The following BMP6 variants were observed in gnomAD, a reference collection of about 807,000 sequenced individuals.
BMP6 encodes bone morphogenetic protein 6.
A neutral mutation model predicts 54.1 loss-of-function variants in BMP6; 17 were observed. The ratio of observed to expected loss-of-function variants is 0.31; its 90% CI spans 0.22 to 0.47. The LOEUF is 0.47. Among genes scored for constraint, BMP6 ranks in the 20% least tolerant of loss-of-function variants. BMP6 has a pLI of 1.00. For synonymous variants in BMP6, 328 were observed against 291.2 expected (o/e 1.13, Z -1.28); for missense variants, 720 against 690.4 (o/e 1.04, Z -0.48).
chr6:7,740,864 G>A (rs1160063115), intron 1 of BMP6, among the ~76,000 whole-genome samples: 11 of 152,008 alleles, frequency 7.2e-5, no homozygotes, highest in Admixed American at 5.9e-4. Context: ...CTTTATAATC[G>A]TTGGCCTTGA....
chr6:7,811,776 TA>T (rs1462426617), intron 1 of BMP6, among the ~76,000 whole-genome samples: 1 of 152,214 alleles, frequency 6.6e-6, no homozygotes, highest in African/African-American at 2.4e-5. Flanking sequence ...TTCCCTTCGT[TA>T]AACTTCCAGT....
chr6:7,735,847 G>A (rs1259486683), intron 1 of BMP6, among the ~76,000 whole-genome samples: 4 of 152,200 alleles, frequency 2.6e-5, no homozygotes, highest in East Asian at 1.9e-4. Context: ...CACCGCTATA[G>A]TATCATGCCG....
At chr6:7,761,830 G>A (rs761823870) in intron 1 of BMP6, among the ~76,000 whole-genome samples, 18 of 152,118 alleles carry the variant, frequency 1.2e-4, no homozygotes, top group Non-Finnish European at 1.8e-4. Flanking sequence ...ATTTGTTATT[G>A]TCTCATTGCC....
At chr6:7,790,514 CAAAAAAAAAAAAAAAAAA>C (rs35572440) in intron 1 of BMP6, among the ~76,000 whole-genome samples, 6 of 73,500 alleles carry the variant, frequency 8.2e-5, no homozygotes, top group Non-Finnish European at 1.4e-4. Context: ...GACCCTGTCT[CAAAAAAAAAAAAAAAAAA>C]AAAAAAAAAA....
At chr6:7,874,641 G>A (rs1287739388) in intron 4 of BMP6, among the ~76,000 whole-genome samples, 4 of 152,088 alleles carry the variant, frequency 2.6e-5, no homozygotes, top group East Asian at 3.9e-4. Context: ...CCAGCTACTC[G>A]GAAGGCTGAG....
intron 4 of BMP6, among the ~76,000 whole-genome samples, chr6:7,866,789 T>C (rs575989331): frequency 6.6e-6 from 1 of 152,370 alleles, no homozygotes; most frequent in East Asian, 1.9e-4. Context: ...GCCAACCATC[T>C]ATGACCCAGC....
chr6:7,728,253 T>A (rs1174015944), intron 1 of BMP6, among the ~76,000 whole-genome samples: 1 of 152,180 alleles, frequency 6.6e-6, no homozygotes, highest in East Asian at 1.9e-4. Context: ...TGGGGCGGGA[T>A]GAAAGCTCAA....
At chr6:7,767,402 G>C (rs1009979979) in intron 1 of BMP6, among the ~76,000 whole-genome samples, 5 of 152,140 alleles carry the variant, frequency 3.3e-5, no homozygotes, top group African/African-American at 1.2e-4. Context: ...TGGTCTCTTT[G>C]AGTTTCTTTT....
intron 2 of BMP6, among the ~76,000 whole-genome samples, chr6:7,845,707 T>C (rs1221695532): frequency 6.6e-6 from 1 of 152,142 alleles, no homozygotes; most frequent in Non-Finnish European, 1.5e-5. Context: ...TAAGTGATAA[T>C]AATTCCAGTG....
intron 1 of BMP6, among the ~76,000 whole-genome samples, chr6:7,770,623 C>G (rs1222709927): frequency 4.6e-5 from 7 of 152,206 alleles, no homozygotes; most frequent in African/African-American, 1.7e-4. Context: ...ATTACCCACA[C>G]CCGGCCCTAA....
intron 1 of BMP6, among the ~76,000 whole-genome samples, chr6:7,782,874 C>T (rs1757967683): frequency 6.6e-6 from 1 of 151,866 alleles, no homozygotes; most frequent in South Asian, 2.1e-4. Flanking sequence ...AGAGGAAAGG[C>T]AATTAACAGT....
intron 1 of BMP6, among the ~76,000 whole-genome samples, chr6:7,822,376 G>A (rs533827856): frequency 1.3e-5 from 2 of 152,284 alleles, no homozygotes; most frequent in Admixed American, 6.5e-5. Flanking sequence ...GAGACGGGGT[G>A]CATTTCTTTT....
At chr6:7,869,555 T>C (rs1473241778) in intron 4 of BMP6, among the ~76,000 whole-genome samples, 1 of 152,198 alleles carries the variant, frequency 6.6e-6, no homozygotes, top group Non-Finnish European at 1.5e-5. Flanking sequence ...GGGTGCCCTG[T>C]CCTCACTGCA....
chr6:7,810,738 A>C (rs1345231225), intron 1 of BMP6, among the ~76,000 whole-genome samples: 1 of 152,258 alleles, frequency 6.6e-6, no homozygotes, highest in African/African-American at 2.4e-5. Context: ...ATGTGTATGA[A>C]GCATGAAAAT....
chr6:7,868,898 C>T (rs1290150845), intron 4 of BMP6, among the ~76,000 whole-genome samples: 1 of 152,188 alleles, frequency 6.6e-6, no homozygotes, highest in Non-Finnish European at 1.5e-5. Context: ...CTCTCCCTCT[C>T]CCTCCTTCTC....
chr6:7,845,448 G>T, intron 2 of BMP6, 116 bp downstream of exon 2: 1 of 929,844 alleles, frequency 1.1e-6, no homozygotes. Context: ...GGGGCAGCAT[G>T]TGAGTACGAT....
chr6:7,801,435 C>A (rs1395554527), intron 1 of BMP6, among the ~76,000 whole-genome samples: 5 of 152,170 alleles, frequency 3.3e-5, no homozygotes. Flanking sequence ...TAAGAGCAAA[C>A]CCAGGTGAAC....
At chr6:7,761,907 T>C (rs951207414) in intron 1 of BMP6, among the ~76,000 whole-genome samples, 2 of 152,206 alleles carry the variant, frequency 1.3e-5, no homozygotes, top group Admixed American at 6.5e-5. Flanking sequence ...TCTTTTCTTT[T>C]CTTTTTTTGA....
intron 1 of BMP6, among the ~76,000 whole-genome samples, chr6:7,806,633 G>A (rs1201122502): frequency 6.6e-6 from 1 of 151,830 alleles, no homozygotes; most frequent in Non-Finnish European, 1.5e-5. Flanking sequence ...TTTAAACAAA[G>A]CAAGTACAAA....
Sources: allele counts gnomAD v4.1 joint callset (sites outside exome capture counted in the v4.1 genomes callset), GRCh38; gene constraint gnomAD v4.1.1; transcripts MANE v1.5; gene names NCBI Gene and HGNC (gene_info 2026-07-23, HGNC 2026-07-21).